The following RFC2 variants were observed in gnomAD, a reference collection of about 807,000 sequenced individuals.
RFC2 encodes the protein replication factor C subunit 2, also known as A1 40 kDa subunit.
In RFC2, 34 loss-of-function variants were observed where a neutral mutation model predicts 44.8. The ratio of observed to expected loss-of-function variants is 0.76; its 90% CI spans 0.58 to 1.01. RFC2 has a LOEUF of 1.01. Among genes scored for constraint, RFC2 ranks in the 50% least tolerant of loss-of-function variants. RFC2 has a pLI of 0.00. For missense variants in RFC2, 400 were observed against 453.6 expected, an observed-to-expected ratio of 0.88 and a Z score of 1.07; for synonymous variants, 177 against 168.9, an observed-to-expected ratio of 1.05 and a Z score of -0.37.
Position 74,232,047 on chromosome 7 carries a change from G to C in RFC2, c.*59C>G. On this transcript the variant is annotated 3_prime_UTR_variant, in exon 11 of 11. Coordinates refer to ENST00000055077, the MANE Select transcript of RFC2 (RefSeq NM_181471.3). Reference sequence around the variant, plus strand: ...AGGCGGCATTTTCCCCCATCAGAAAGCCGCGGCTCCTGTACCTCAGAATAG... The same window carrying C: ...AGGCGGCATTTTCCCCCATCAGAAACCCGCGGCTCCTGTACCTCAGAATAG... 9.9e-7 allele frequency: 1 copy of C among 1,011,474 alleles called. No individual in the cohort carries two copies. The highest frequency in any genetic ancestry group is 1.5e-6 in the Non-Finnish European group (1 of 645,726). 62.7% of individuals were successfully genotyped at this position (1,011,474 alleles called of 1,614,324 possible). A position where few individuals can be genotyped will look rare whatever the true frequency, so the allele number is the denominator to read the frequency against.
intron 10 of RFC2, chr7:74,233,694 GGGTTCAAGCGATCC>G (rs1554717653): frequency 2.5e-6 from 1 of 403,400 alleles, no homozygotes; most frequent in African/African-American, 2.1e-5. Flanking sequence ...TCCACCTCCT[GGGTTCAAGCGATCC>G]TCCTCCCTCA....
chr7:74,237,047 T>C (rs3135690), intron 9 of RFC2, among the ~76,000 whole-genome samples: 29 of 151,950 alleles, frequency 1.9e-4, no homozygotes, highest in South Asian at 1.0e-3. Flanking sequence ...ATCAGTAAAG[T>C]GCACCCAACT....
At chr7:74,232,392 T>C (rs984994313) in intron 10 of RFC2, among the ~76,000 whole-genome samples, 176 bp from the exon 11 acceptor site, 1 of 151,868 alleles carries the variant, frequency 6.6e-6, no homozygotes, top group Non-Finnish European at 1.5e-5. Flanking sequence ...CAATGGATTA[T>C]GTTTACCTAA....
chr7:74,240,216 T>A, intron 6 of RFC2, 121 bp from the exon 7 acceptor site: 1 of 856,090 alleles, frequency 1.2e-6, no homozygotes, highest in Non-Finnish European at 1.8e-6. Flanking sequence ...AATAGAGACT[T>A]GGTAGGCCGG....
At chr7:74,236,298 A>G (rs1803010000) in intron 9 of RFC2, among the ~76,000 whole-genome samples, 1 of 152,122 alleles carries the variant, frequency 6.6e-6, no homozygotes, top group Non-Finnish European at 1.5e-5. Context: ...ACAAATCTGA[A>G]GGCTTTCTTC....
Position 74,238,121 on chromosome 7 carries a change from G to A in RFC2, c.760-679C>T, listed in dbSNP as rs966301554. Among the ~76,000 whole-genome samples, 3 of 151,928 alleles carry A rather than the reference G, an allele frequency of 2.0e-5. No individual in the cohort carries two copies. The highest frequency in any genetic ancestry group is 2.4e-5 in the African/African-American group (1 of 41,376). On this transcript the variant is annotated intron_variant, in intron 8 of 10. Transcript: ENST00000055077. This position sits in a 1 kb window ranked among gnomAD's most constrained non-coding sequence, Gnocchi z 4.0. ...GACCCTCCAAGACAAAACAGGGCCC[G>A]AACCATCACCCCTGTTTCTGAGCGG...
chr7:74,248,808 AAC>A (rs1318368349), intron 4 of RFC2, among the ~76,000 whole-genome samples: 1 of 152,132 alleles, frequency 6.6e-6, no homozygotes, highest in Non-Finnish European at 1.5e-5. Context: ...GGCTGAGAAG[AAC>A]AGTTTTTGAA....
At position 74,254,387 on chromosome 7, in the gene RFC2, C is replaced by T. The variant is rs1554721641; in HGVS notation, c.-4G>A. On this transcript the variant is annotated 5_prime_UTR_variant, in exon 1 of 11. Coordinates refer to ENST00000055077, the MANE Select transcript of RFC2 (RefSeq NM_181471.3). ...CACAGACGGCCTCCACCTCCATTCT[C>T]GCGCCTCCTCTTCCCGCCACCCGAG... The T allele has an allele frequency of 6.3e-7, 1 of 1,584,854 alleles. No homozygotes were observed. Among genetic ancestry groups the T allele is most frequent in the Admixed American group, 1.7e-5 (1 of 58,032 alleles).
intron 3 of RFC2, among the ~76,000 whole-genome samples, 172 bp downstream of exon 3, chr7:74,249,567 A>AT (rs1554720682): frequency 7.9e-5 from 12 of 151,692 alleles, no homozygotes; most frequent in Non-Finnish European, 1.3e-4. Context: ...AAATAAATAA[A>AT]AAAAAATACA....
rs1208609072 is a variant in RFC2, at chr7:74,238,791, G to C, written c.759+132C>G. Reference sequence around the variant, plus strand: ...AATAGGGAGAGGACAGACGGGAGCAGGGTGGGCTCCCTGGCACCCACAAGA... The same window carrying C: ...AATAGGGAGAGGACAGACGGGAGCACGGTGGGCTCCCTGGCACCCACAAGA... On this transcript the variant is annotated intron_variant, in intron 8 of 10. Transcript: ENST00000055077. The surrounding 1 kb of genome is among the most constrained non-coding windows in gnomAD (Gnocchi z 4.0). 1 of 689,410 alleles carries C rather than the reference G, an allele frequency of 1.5e-6. No individual in the cohort carries two copies. Among genetic ancestry groups the C allele is most frequent in the East Asian group, 2.7e-5 (1 of 37,700 alleles). The allele number at this position is 689,410 out of a possible 1,614,324, so 42.7% of individuals were successfully genotyped here. A position where few individuals can be genotyped will look rare whatever the true frequency, so the allele number is the denominator to read the frequency against.
rs150795931 is a variant in RFC2, at chr7:74,249,073, G to C, written c.271C>G (p.Arg91Gly). Residue 91 changes from arginine to glycine, a missense_variant, in exon 4 of 11, where the codon CGG (arginine) becomes GGG (glycine). Transcript: ENST00000055077. ...GKTTSILCLARALLGPALKDA... is the reference protein window; with the variant it reads ...GKTTSILCLAGALLGPALKDA... ...TTGAGTGCTGGGCCCAGCAGGGCCCGGGCCAAGCACAGAATGCTTGTGGTC... is the reference window on the plus strand; with the variant it reads ...TTGAGTGCTGGGCCCAGCAGGGCCCCGGCCAAGCACAGAATGCTTGTGGTC... 3.1e-6 allele frequency: 5 copies of C among 1,614,084 alleles called. No individual in the cohort carries two copies. The highest frequency in any genetic ancestry group is 2.2e-5 in the East Asian group (1 of 44,882).
chr7:74,233,679 C>T, intron 10 of RFC2: 2 of 387,436 alleles, frequency 5.2e-6, no homozygotes, highest in Non-Finnish European at 1.1e-5. Flanking sequence ...CAGCTCACTG[C>T]AACCTCCACC....
In RFC2 at chr7:74,254,322, G is replaced by GCAGGGT. The variant is rs782625620; in HGVS notation, c.56_61dup (p.Asp19_Pro20dup). ...GCCGGGGGCCTTGCTGAAGGCAGGG[G>GCAGGGT]CAGGGTCAGAGTCCTGGGCCTCCAC... On this transcript the variant is annotated inframe_insertion, in exon 1 of 11. Transcript: ENST00000055077. The GCAGGGT allele has an allele frequency of 1.2e-6, 2 of 1,612,398 alleles. No individual in the cohort carries two copies. Among genetic ancestry groups the GCAGGGT allele is most frequent in the Non-Finnish European group, 1.7e-6 (2 of 1,179,608 alleles).
chr7:74,233,546 T>A (rs894267580), intron 10 of RFC2, among the ~76,000 whole-genome samples: 5 of 151,498 alleles, frequency 3.3e-5, no homozygotes, highest in Non-Finnish European at 5.9e-5. Context: ...AAAGGCACAA[T>A]GAGATCTCAT....
chr7:74,239,064 T>C lies in RFC2; in HGVS notation c.694-76A>G, dbSNP rs1803174704. 1.9e-5 allele frequency: 23 copies of C among 1,215,658 alleles called. No homozygotes were observed. In the South Asian group the frequency reaches 2.7e-4, roughly 14 times the overall value. 75.3% of individuals were successfully genotyped at this position (1,215,658 alleles called of 1,614,324 possible). On this transcript the variant is annotated intron_variant, in intron 7 of 10. Coordinates refer to ENST00000055077, the MANE Select transcript of RFC2 (RefSeq NM_181471.3). ...TTGAGTAGAGACAGGAGTCTCGCTA[T>C]GTTGCCCAGGCTGGTCTCGAACTCC...
intron 5 of RFC2, among the ~76,000 whole-genome samples, chr7:74,243,958 AAGT>A (rs1225069172): frequency 1.1e-4 from 17 of 151,726 alleles, no homozygotes; most frequent in African/African-American, 4.1e-4. Context: ...GAAAAAAAGC[AAGT>A]TATTAATGGC....
At chr7:74,251,571 A>G (rs111512979) in intron 2 of RFC2, among the ~76,000 whole-genome samples, 66,969 of 147,922 alleles carry the variant, frequency 0.45, 15,615 homozygotes, top group African/African-American at 0.61. Flanking sequence ...AGGCCGAGGC[A>G]GGCGGATCAC....
At chr7:74,249,846 G>T in intron 2 of RFC2, 66 bp from the exon 3 acceptor site, 1 of 1,377,838 alleles carries the variant, frequency 7.3e-7, no homozygotes, top group African/African-American at 1.4e-5. Flanking sequence ...AAAAAAGATA[G>T]AAAAAAGAAC....
At chr7:74,243,320 C>G in intron 5 of RFC2, 74 bp from the exon 6 acceptor site, 1 of 1,016,712 alleles carries the variant, frequency 9.8e-7, no homozygotes, top group East Asian at 2.4e-5. Context: ...ATACAAAAAC[C>G]CAGGACATAA....
Sources: allele counts gnomAD v4.1 joint callset (sites outside exome capture counted in the v4.1 genomes callset), GRCh38; gene constraint gnomAD v4.1.1; non-coding constraint Gnocchi (gnomAD v3.1); transcripts MANE v1.5; gene names NCBI Gene and HGNC (gene_info 2026-07-23, HGNC 2026-07-21).